The following CCDC7 variants were observed in gnomAD, a reference collection of about 807,000 sequenced individuals.
CCDC7 encodes the protein coiled-coil domain containing 7.
CCDC7 carries 183 observed loss-of-function variants against 196.9 expected under a neutral mutation model. The ratio of observed to expected loss-of-function variants is 0.93; its 90% CI spans 0.82 to 1.05. The LOEUF (loss-of-function observed/expected upper bound fraction) is 1.05. Ranked by LOEUF, CCDC7 falls within the 50% of genes least tolerant of loss-of-function variation. The probability of loss-of-function intolerance (pLI) is 0.00; values close to 1 mark genes in which losing one functional copy is unlikely to be tolerated. For missense variants in CCDC7, 1,540 were observed against 1,482.2 expected (o/e 1.04, Z -0.64); for synonymous variants, 525 against 484.6 (o/e 1.08, Z -1.10).
At chr10:32,725,425 C>G in intron 25 of CCDC7, 2 of 467,898 alleles carry the variant, frequency 4.3e-6, no homozygotes, top group Non-Finnish European at 8.9e-6. Context: ...TGGATTAGTA[C>G]TTGTTTTTTT....
chr10:32,825,976 C>A (rs1401629429), intron 32 of CCDC7, among the ~76,000 whole-genome samples: 1 of 152,142 alleles, frequency 6.6e-6, no homozygotes, highest in Non-Finnish European at 1.5e-5. Flanking sequence ...GAAACAGCTT[C>A]CCCATCCCCA....
At chr10:32,569,512 C>T (rs1342477298) in intron 15 of CCDC7, among the ~76,000 whole-genome samples, 1 of 152,206 alleles carries the variant, frequency 6.6e-6, no homozygotes, top group East Asian at 1.9e-4. Context: ...CTGCAACCTC[C>T]GCCTCCTGGA....
At chr10:32,784,908 A>C (rs1429912751) in intron 29 of CCDC7, among the ~76,000 whole-genome samples, 1 of 150,672 alleles carries the variant, frequency 6.6e-6, no homozygotes, top group Non-Finnish European at 1.5e-5. Context: ...AGGCTGAGGC[A>C]AGAGGCTTGC....
At chr10:32,543,123 CTAT>C (rs1439245616) in intron 11 of CCDC7, among the ~76,000 whole-genome samples, 174 bp from the exon 13 acceptor site, 2 of 152,256 alleles carry the variant, frequency 1.3e-5, no homozygotes, top group Non-Finnish European at 2.9e-5. Flanking sequence ...ACGTAAAGCA[CTAT>C]TACAAACAGA....
At chr10:32,758,691 C>T (rs2076903733) in intron 28 of CCDC7, among the ~76,000 whole-genome samples, 1 of 152,100 alleles carries the variant, frequency 6.6e-6, no homozygotes, top group South Asian at 2.1e-4. Context: ...TGGCACAAGA[C>T]AGGGATGCCC....
chr10:32,598,044 A>T (rs1274720950), intron 18 of CCDC7, among the ~76,000 whole-genome samples: 2 of 152,270 alleles, frequency 1.3e-5, no homozygotes, highest in East Asian at 3.9e-4. Flanking sequence ...TTGGACAGGG[A>T]CGTTTAAGTC....
At chr10:32,564,767 C>A (rs1270146590) in intron 13 of CCDC7, among the ~76,000 whole-genome samples, 4 of 151,632 alleles carry the variant, frequency 2.6e-5, no homozygotes, top group Non-Finnish European at 5.9e-5. Context: ...CTAACCTGCA[C>A]ATTGTGTACA....
intron 20 of CCDC7, among the ~76,000 whole-genome samples, chr10:32,650,001 T>C (rs1027017837): frequency 6.6e-6 from 1 of 152,256 alleles, no homozygotes; most frequent in Non-Finnish European, 1.5e-5. Flanking sequence ...CTGAATTCCA[T>C]GTCTGTCATT....
At chr10:32,667,210 A>G (rs926257842) in intron 21 of CCDC7, among the ~76,000 whole-genome samples, 8 of 151,942 alleles carry the variant, frequency 5.3e-5, no homozygotes, top group Admixed American at 1.3e-4. Context: ...ACTTTTTGAT[A>G]GGTTTGTTTG....
exon 22 of CCDC7, chr10:32,685,975 A>T (rs1304720610): frequency 6.5e-7 from 1 of 1,546,094 alleles, no homozygotes; most frequent in Non-Finnish European, 8.8e-7. Flanking sequence ...TGTAGCTCAT[A>T]ATGAAGTACC....
chr10:32,860,247 GGCTGGTTCA>G (rs1208078626), intron 41 of CCDC7, among the ~76,000 whole-genome samples: 1 of 152,170 alleles, frequency 6.6e-6, no homozygotes, highest in Non-Finnish European at 1.5e-5. Flanking sequence ...TGGGATGCAA[GGCTGGTTCA>G]GCATACACAA....
intron 5 of CCDC7, among the ~76,000 whole-genome samples, chr10:32,469,395 C>G (rs1422179410): frequency 6.6e-6 from 1 of 152,208 alleles, no homozygotes; most frequent in African/African-American, 2.4e-5. Flanking sequence ...CAACGCAGGG[C>G]TAAGATGCAG....
intron 28 of CCDC7, among the ~76,000 whole-genome samples, chr10:32,766,147 G>T (rs2078259513): frequency 6.6e-6 from 1 of 151,832 alleles, no homozygotes; most frequent in Non-Finnish European, 1.5e-5. Context: ...AAAAATTTAG[G>T]GGCCTTCTAC....
At chr10:32,629,298 G>A (rs892857178) in intron 18 of CCDC7, among the ~76,000 whole-genome samples, 1 of 151,720 alleles carries the variant, frequency 6.6e-6, no homozygotes. Flanking sequence ...TTATTTTTTT[G>A]ATATAAGTAT....
intron 11 of CCDC7, among the ~76,000 whole-genome samples, chr10:32,533,246 A>AACACACACACACAC (rs58119017): frequency 0.11 from 15,867 of 144,350 alleles, 945 homozygotes; most frequent in East Asian, 0.24. Flanking sequence ...AAACAAAGGA[A>AACACACACACACAC]ACACACACAC....
chr10:32,865,637 A>G (rs2094175795), intron 41 of CCDC7, among the ~76,000 whole-genome samples: 3 of 151,830 alleles, frequency 2.0e-5, no homozygotes, highest in Non-Finnish European at 4.4e-5. Context: ...GTTCTGTTAC[A>G]TAATCAAATT....
intron 41 of CCDC7, among the ~76,000 whole-genome samples, chr10:32,858,080 G>C (rs1282540011): frequency 7.0e-6 from 1 of 143,488 alleles, no homozygotes; most frequent in Non-Finnish European, 1.6e-5. Flanking sequence ...GAATCAGGAA[G>C]AAATAGAAAG....
chr10:32,761,159 T>C (rs1041171315), intron 28 of CCDC7, among the ~76,000 whole-genome samples: 3 of 152,030 alleles, frequency 2.0e-5, no homozygotes, highest in Admixed American at 2.0e-4. Context: ...ACTACATTTA[T>C]TTGGCTTCTT....
At chr10:32,528,731 C>T (rs1000534729) in intron 11 of CCDC7, among the ~76,000 whole-genome samples, 8 of 139,968 alleles carry the variant, frequency 5.7e-5, no homozygotes, top group Non-Finnish European at 9.2e-5. Flanking sequence ...TACGTATTTA[C>T]GTATATATGT....
Sources: gnomAD v4.1 joint callset for allele counts (sites outside exome capture counted in the v4.1 genomes callset) on GRCh38, gnomAD v4.1.1 for gene constraint, MANE v1.5 for transcripts, NCBI Gene and HGNC (gene_info 2026-07-23, HGNC 2026-07-21) for gene names.